PAPPA2: variants seen among roughly 807,000 people sequenced by gnomAD.
PAPPA2 encodes the protein pappalysin-2.
A neutral mutation model predicts 176.4 loss-of-function variants in PAPPA2; 86 were observed. The ratio of observed to expected loss-of-function variants is 0.49; its 90% CI spans 0.41 to 0.58. PAPPA2 has a LOEUF of 0.58. Among genes scored for constraint, PAPPA2 ranks in the 20% least tolerant of loss-of-function variants. The probability of loss-of-function intolerance (pLI) is 0.00; values close to 1 mark genes in which losing one functional copy is unlikely to be tolerated. For synonymous variants in PAPPA2, 809 were observed against 852.2 expected (o/e 0.95, Z 0.88); for missense variants, 2,073 against 2,256.9 (o/e 0.92, Z 1.65).
At chr1:176,578,517 T>A (rs1652780285) in intron 2 of PAPPA2, among the ~76,000 whole-genome samples, 1 of 152,166 alleles carries the variant, frequency 6.6e-6, no homozygotes, top group Non-Finnish European at 1.5e-5. Flanking sequence ...CAACCCATCC[T>A]TTCTTGTTCC....
At chr1:176,632,575 T>C (rs1456334893) in intron 3 of PAPPA2, among the ~76,000 whole-genome samples, 1 of 152,132 alleles carries the variant, frequency 6.6e-6, no homozygotes, top group African/African-American at 2.4e-5. Context: ...ACAGTGCTAA[T>C]AGTAGTCTAG....
chr1:176,594,506 T>G lies in PAPPA2; in HGVS notation c.920-18T>G, dbSNP rs1051864798. The G allele has an allele frequency of 6.9e-6, 11 of 1,598,372 alleles. No homozygotes were observed. The highest frequency in any genetic ancestry group is 4.5e-5 in the South Asian group (4 of 89,864). On this transcript the variant is annotated intron_variant, in intron 2 of 22. Transcript: ENST00000367662. ...ATCTGGTATCTGTCTCTTCCCTCGA[T>G]TCTTCCTTCTTTCCCAGGTGTGTTT...
intron 21 of PAPPA2, among the ~76,000 whole-genome samples, chr1:176,834,821 A>T (rs939123057): frequency 6.6e-5 from 10 of 152,194 alleles, no homozygotes; most frequent in African/African-American, 1.9e-4. Flanking sequence ...AATACAAAAA[A>T]TTAGCCAGTT....
At chr1:176,552,149 C>A (rs1258180894) in intron 1 of PAPPA2, among the ~76,000 whole-genome samples, 1 of 152,070 alleles carries the variant, frequency 6.6e-6, no homozygotes, top group Non-Finnish European at 1.5e-5. Context: ...GATCTAACTG[C>A]CTTCCTGGTC....
At chr1:176,798,459 C>G (rs77188616) in intron 20 of PAPPA2, among the ~76,000 whole-genome samples, 1 of 152,152 alleles carries the variant, frequency 6.6e-6, no homozygotes, top group Non-Finnish European at 1.5e-5. Context: ...GAATACCCTC[C>G]TATGAGAAGG....
At position 176,758,864 on chromosome 1, in the gene PAPPA2, C is replaced by G. The variant is rs115474071; in HGVS notation, c.4152-6802C>G. ...TGCACTCCCACCCCAATACCACCAT[C>G]ACCTCATCTGTGAAACTCAATACCA... On this transcript the variant is annotated intron_variant, in intron 14 of 22. Coordinates refer to ENST00000367662, the MANE Select transcript of PAPPA2 (RefSeq NM_020318.3). Among the ~76,000 whole-genome samples, 603 of 152,330 alleles carry G rather than the reference C, an allele frequency of 4.0e-3. 3 individuals are homozygous for G. Among genetic ancestry groups the G allele is most frequent in the African/African-American group, 0.014 (564 of 41,574 alleles).
intron 3 of PAPPA2, among the ~76,000 whole-genome samples, chr1:176,597,272 A>T (rs750899461): frequency 6.6e-6 from 1 of 152,230 alleles, no homozygotes; most frequent in African/African-American, 2.4e-5. Context: ...AATACCTTGC[A>T]TTATCAGTAT....
chr1:176,564,370 A>G (rs552471733), intron 2 of PAPPA2, among the ~76,000 whole-genome samples: 5 of 152,222 alleles, frequency 3.3e-5, no homozygotes, highest in Non-Finnish European at 7.3e-5. Flanking sequence ...CTCTGTTGCA[A>G]AAAATTCAAC....
intron 9 of PAPPA2, among the ~76,000 whole-genome samples, chr1:176,703,381 G>C (rs1660746962): frequency 6.6e-6 from 1 of 152,128 alleles, no homozygotes; most frequent in Non-Finnish European, 1.5e-5. Flanking sequence ...ATTCTGGTTT[G>C]CCTGGGACTT....
chr1:176,690,374 C>T lies in PAPPA2; in HGVS notation c.2375C>T (p.Thr792Ile), dbSNP rs148196271. ...LCREPEPTSD[T>I]CGFTRFPGAP... is the part of the protein sequence containing the mutation. ...CGGGAACCAGAGCCCACTAGTGACA[C>T]CTGTGGCTTCACTCGCTTCCCAGGG... The change falls in exon 5 of 23, where the codon ACC becomes ATC. Residue 792 changes from threonine (T) to isoleucine (I), a missense_variant. Thr to Ile is a moderately conservative substitution (Grantham distance 89). Around this residue, in one of 4 missense-constraint regions of PAPPA2, gnomAD observed 1,196 missense variants for 1,330.4 expected, o/e 0.90. Coordinates refer to ENST00000367662, the MANE Select transcript of PAPPA2 (RefSeq NM_020318.3). The T allele has an allele frequency of 1.1e-3, 1,702 of 1,614,170 alleles. 11 individuals are homozygous for T. The Middle Eastern group carries it at 0.019, about 18-fold the overall frequency.
At chr1:176,623,724 T>TTCTTTC (rs747123380) in intron 3 of PAPPA2, among the ~76,000 whole-genome samples, 1 of 118,796 alleles carries the variant, frequency 8.4e-6, no homozygotes, top group African/African-American at 3.8e-5. Context: ...CTTTCTTTCT[T>TTCTTTC]TCTCTTTCTT....
At chr1:176,772,381 G>A (rs141083633) in intron 17 of PAPPA2, among the ~76,000 whole-genome samples, 38 of 152,278 alleles carry the variant, frequency 2.5e-4, no homozygotes, top group African/African-American at 8.7e-4. Flanking sequence ...TGGTGCCAGG[G>A]CATACAACCT....
At chr1:176,739,868 T>C in intron 13 of PAPPA2, 107 bp downstream of exon 13, 2 of 1,563,044 alleles carry the variant, frequency 1.3e-6, no homozygotes, top group Non-Finnish European at 1.7e-6. Context: ...GCCTACATCA[T>C]ACATCTAGGT....
At chr1:176,750,661 G>A (rs181722905) in intron 14 of PAPPA2, among the ~76,000 whole-genome samples, 4 of 152,112 alleles carry the variant, frequency 2.6e-5, no homozygotes, top group Admixed American at 6.6e-5. Flanking sequence ...CAATTAGCAC[G>A]TATTTGATAT....
At chr1:176,740,286 G>T in intron 14 of PAPPA2, 90 bp downstream of exon 14, 10 of 1,262,580 alleles carry the variant, frequency 7.9e-6, no homozygotes, top group Non-Finnish European at 1.1e-5. Flanking sequence ...TAGAGTGTTT[G>T]CTCAATCACT....
At chr1:176,646,569 T>A (rs1657411081) in intron 3 of PAPPA2, among the ~76,000 whole-genome samples, 1 of 150,638 alleles carries the variant, frequency 6.6e-6, no homozygotes, top group African/African-American at 2.4e-5. Flanking sequence ...CCACTATCAT[T>A]CCCTGCCTCT....
chr1:176,626,004 C>G (rs1276366881), intron 3 of PAPPA2, among the ~76,000 whole-genome samples: 1 of 152,056 alleles, frequency 6.6e-6, no homozygotes, highest in Non-Finnish European at 1.5e-5. Flanking sequence ...GCCTGGGCAA[C>G]AGAGTGAGAC....
At chr1:176,517,142 A>G (rs1385553840) in intron 1 of PAPPA2, among the ~76,000 whole-genome samples, 1 of 152,162 alleles carries the variant, frequency 6.6e-6, no homozygotes, top group African/African-American at 2.4e-5. Flanking sequence ...CGTTAGTAAA[A>G]TGAGCTTTTT....
chr1:176,771,253 C>A, intron 17 of PAPPA2, 73 bp downstream of exon 17: 1 of 1,447,604 alleles, frequency 6.9e-7, no homozygotes, highest in Non-Finnish European at 9.6e-7. Flanking sequence ...TCTGTATAAT[C>A]TCTCTTTACC....
Sources: allele counts gnomAD v4.1 joint callset (sites outside exome capture counted in the v4.1 genomes callset), GRCh38; gene constraint gnomAD v4.1.1; regional missense constraint gnomAD v4.1.1; transcripts MANE v1.5; gene names NCBI Gene and HGNC (gene_info 2026-07-23, HGNC 2026-07-21).